The following PARD3B variants were observed in gnomAD, a reference collection of about 807,000 sequenced individuals.
The protein encoded by PARD3B is partitioning defective 3 homolog B.
A neutral mutation model predicts 130.2 loss-of-function variants in PARD3B; 103 were observed. The ratio of observed to expected loss-of-function variants is 0.79; its 90% CI spans 0.67 to 0.93. The LOEUF (loss-of-function observed/expected upper bound fraction) is 0.93. PARD3B is among the 40% of genes least tolerant of loss of function. The pLI is 0.00. For synonymous variants in PARD3B, 583 were observed against 553.2 expected, an observed-to-expected ratio of 1.05 and a Z score of -0.76; for missense variants, 1,609 against 1,499.2, an observed-to-expected ratio of 1.07 and a Z score of -1.21.
intron 1 of PARD3B, among the ~76,000 whole-genome samples, chr2:204,631,539 G>A (rs1474398289): frequency 6.6e-6 from 1 of 152,186 alleles, no homozygotes; most frequent in East Asian, 1.9e-4. Context: ...GAGCCACTGT[G>A]CCCAGCTGGG....
In PARD3B at chr2:204,689,227, T is replaced by C. The variant is rs76014439; in HGVS notation, c.222+2945T>C. On this transcript the variant is annotated intron_variant, in intron 2 of 22. Transcript: ENST00000406610. This position sits in a 1 kb window ranked among gnomAD's most constrained non-coding sequence, Gnocchi z 5.2. The stretch of plus-strand genomic sequence containing the variant: ...AGTGGTTTGTCTGTGGTCTTACTTC[T>C]ATTATTCCTTTGGCCAACATAGTGC... Among the ~76,000 whole-genome samples, 2,027 of 152,322 alleles carry C rather than the reference T, an allele frequency of 0.013. 54 individuals carry two copies. Among genetic ancestry groups the C allele is most frequent in the African/African-American group, 0.046 (1,912 of 41,580 alleles).
chr2:204,771,708 G>T (rs180923413), intron 2 of PARD3B, among the ~76,000 whole-genome samples: 1 of 152,176 alleles, frequency 6.6e-6, no homozygotes, highest in Admixed American at 6.6e-5. Flanking sequence ...TTTATTTAAA[G>T]AGACACTTTT....
At chr2:205,169,411 A>G (rs2035017932) in intron 11 of PARD3B, among the ~76,000 whole-genome samples, 1 of 152,206 alleles carries the variant, frequency 6.6e-6, no homozygotes, top group African/African-American at 2.4e-5. Flanking sequence ...TGTAACTGAA[A>G]ATAAAAAAAT....
rs558026616 is a variant in PARD3B at position 205,407,531 on chromosome 2, A to G, written c.2741+6408A>G. ...CAGTAAGTATATATTGTTGTTATTC[A>G]ATTCTAAGACCTAAGTTTGTAACCT... On this transcript the variant is annotated intron_variant, in intron 19 of 22. Coordinates refer to ENST00000406610, the MANE Select transcript of PARD3B (RefSeq NM_001302769.2). The surrounding 1 kb of genome is among the most constrained non-coding windows in gnomAD (Gnocchi z 4.1). Among the ~76,000 whole-genome samples the G allele has an allele frequency of 6.6e-6, 1 of 152,182 alleles. No homozygotes were observed. Among genetic ancestry groups the G allele is most frequent in the Non-Finnish European group, 1.5e-5 (1 of 68,030 alleles).
chr2:204,548,418 T>G (rs1245031636), intron 1 of PARD3B, among the ~76,000 whole-genome samples: 1 of 152,158 alleles, frequency 6.6e-6, no homozygotes, highest in African/African-American at 2.4e-5. Flanking sequence ...CCTTAGGAGA[T>G]AGGTACTATT....
intron 22 of PARD3B, among the ~76,000 whole-genome samples, chr2:205,580,914 A>G (rs140440183): frequency 1.7e-3 from 263 of 152,288 alleles, no homozygotes; most frequent in Non-Finnish European, 3.1e-3. Flanking sequence ...AAATTATTCT[A>G]TTTCATAGTG....
intron 4 of PARD3B, among the ~76,000 whole-genome samples, chr2:205,059,076 G>T: frequency 6.6e-6 from 1 of 151,668 alleles, no homozygotes. Context: ...TTAGGTTTAG[G>T]TCTTCGATTT....
At chr2:204,885,675 T>C (rs115526691) in intron 2 of PARD3B, among the ~76,000 whole-genome samples, 1,943 of 152,318 alleles carry the variant, frequency 0.013, 37 homozygotes, top group African/African-American at 0.044. Flanking sequence ...AAAGGACATA[T>C]AGATTGGAAA....
Position 204,678,630 on chromosome 2 carries a change from C to T in PARD3B, c.121-7551C>T, listed in dbSNP as rs1000111610. 1.3e-5 allele frequency among the ~76,000 whole-genome samples: 2 copies of T among 151,920 alleles called. No individual in the cohort carries two copies. The highest frequency in any genetic ancestry group is 2.9e-5 in the Non-Finnish European group (2 of 67,982). ...ATTAAGCCGCGTCTAGCCTTAGTCT[C>T]TGATGCGCAGTTGCTTCTAGTCTCT... On this transcript the variant is annotated intron_variant, in intron 1 of 22. Transcript: ENST00000406610. The surrounding 1 kb of genome is among the most constrained non-coding windows in gnomAD (Gnocchi z 4.2).
chr2:205,095,953 A>G (rs987402448), intron 4 of PARD3B, among the ~76,000 whole-genome samples: 3 of 152,176 alleles, frequency 2.0e-5, no homozygotes, highest in African/African-American at 4.8e-5. Flanking sequence ...AAAATAAAAA[A>G]GAAATAGGGG....
intron 2 of PARD3B, among the ~76,000 whole-genome samples, chr2:204,813,609 T>C (rs1171346012): frequency 6.6e-6 from 1 of 152,104 alleles, no homozygotes; most frequent in Non-Finnish European, 1.5e-5. Flanking sequence ...TTGCAAAGGT[T>C]TTCTACTAAA....
At chr2:204,982,548 A>G (rs1213385595) in intron 3 of PARD3B, among the ~76,000 whole-genome samples, 1 of 152,218 alleles carries the variant, frequency 6.6e-6, no homozygotes, top group Non-Finnish European at 1.5e-5. Flanking sequence ...TCCACATAAC[A>G]ATATGTTGTC....
intron 15 of PARD3B, among the ~76,000 whole-genome samples, chr2:205,202,407 G>T (rs112655556): frequency 6.6e-6 from 1 of 151,998 alleles, no homozygotes; most frequent in Admixed American, 6.6e-5. Flanking sequence ...GCATTCCCTA[G>T]GAAACATACT....
intron 15 of PARD3B, among the ~76,000 whole-genome samples, chr2:205,199,024 A>G (rs2036846113): frequency 6.6e-6 from 1 of 152,172 alleles, no homozygotes; most frequent in African/African-American, 2.4e-5. Context: ...TAATATTGTA[A>G]GAAAGTGTCT....
intron 3 of PARD3B, among the ~76,000 whole-genome samples, chr2:204,991,029 CTG>C (rs1693627646): frequency 6.6e-6 from 1 of 151,426 alleles, no homozygotes; most frequent in Non-Finnish European, 1.5e-5. Flanking sequence ...CTTAGTATTT[CTG>C]TGTCTGCTTC....
rs182730805 is a variant in PARD3B at position 205,458,229 on chromosome 2, C to G, written c.3044+17557C>G. On this transcript the variant is annotated intron_variant, in intron 20 of 22. Transcript: ENST00000406610. The surrounding 1 kb of genome is among the most constrained non-coding windows in gnomAD (Gnocchi z 4.8). ...TTGAAAAATTCTCAGCTGGTCACAC[C>G]TCTTCAGAATTGTTTCTGTTCCCTC... 6.6e-5 allele frequency among the ~76,000 whole-genome samples: 10 copies of G among 152,168 alleles called. No homozygotes were observed. In the East Asian group the frequency reaches 1.9e-3, roughly 29 times the overall value.
chr2:204,749,215 T>G (rs1362974012), intron 2 of PARD3B, among the ~76,000 whole-genome samples: 1 of 152,136 alleles, frequency 6.6e-6, no homozygotes, highest in East Asian at 1.9e-4. Flanking sequence ...ATTTCTTGAT[T>G]AGTTACAATG....
intron 14 of PARD3B, among the ~76,000 whole-genome samples, chr2:205,190,976 A>G (rs1350272004): frequency 1.3e-5 from 2 of 151,158 alleles, no homozygotes; most frequent in Non-Finnish European, 2.9e-5. Flanking sequence ...TTTGTTCACA[A>G]TTGGCATATT....
At chr2:205,524,014 C>CCTGAAAATTCTATTAT (rs2051220370) in intron 21 of PARD3B, among the ~76,000 whole-genome samples, 1 of 151,650 alleles carries the variant, frequency 6.6e-6, no homozygotes, top group East Asian at 1.9e-4. Flanking sequence ...AGGTTTTTTT[C>CCTGAAAATTCTATTAT]CTGAAAATTC....
Sources: gnomAD v4.1 joint callset for allele counts (sites outside exome capture counted in the v4.1 genomes callset) on GRCh38, gnomAD v4.1.1 for gene constraint, Gnocchi (gnomAD v3.1) non-coding constraint, MANE v1.5 for transcripts, NCBI Gene and HGNC (gene_info 2026-07-23, HGNC 2026-07-21) for gene names.